Variants in RIN1 observed in about 807,000 individuals in gnomAD.
The protein encoded by RIN1 is ras inhibitor 1.
RIN1 carries 52 observed loss-of-function variants against 64.9 expected under a neutral mutation model. The observed-to-expected ratio is 0.80, with a 90% CI of 0.64 to 1.01. RIN1 has a LOEUF of 1.01. Ranked by LOEUF, RIN1 falls within the 50% of genes least tolerant of loss-of-function variation. The pLI is 0.00. For missense variants in RIN1, 1,040 were observed against 1,064.5 expected (o/e 0.98, Z 0.32); for synonymous variants, 486 against 483.6 (o/e 1.00, Z -0.06).
chr11:66,334,092 C>A lies in RIN1; in HGVS notation c.1418G>T (p.Arg473Leu). 6.4e-7 allele frequency: 1 copy of A among 1,559,966 alleles called. No homozygotes were observed. Among genetic ancestry groups the A allele is most frequent in the East Asian group, 2.4e-5 (1 of 42,388 alleles). Residue 473 changes from arginine to leucine, a missense_variant, in exon 7 of 10, where the codon CGG (arginine) becomes CTG (leucine). Coordinates refer to ENST00000311320, the MANE Select transcript of RIN1 (RefSeq NM_004292.3). ...CCCGAAGGCTCCGGGGCCCTGGGCC[C>A]GGGCCAGGCGGAGGCCCTCAGCTAG... ...GRLAEGLRLA[R>L]AQGPGAFGSH...
chr11:66,332,002 C>T lies in RIN1; in HGVS notation c.*274G>A, dbSNP rs989023699. The stretch of plus-strand genomic sequence containing the variant: ...ATCTGTCGGATTCGCCCCCACTTGG[C>T]ACACCCTCATTGCAGGCTGGCTCAC... On this transcript the variant is annotated 3_prime_UTR_variant, in exon 10 of 10. Transcript: ENST00000311320. 17 of 525,072 alleles carry T rather than the reference C, an allele frequency of 3.2e-5. No homozygotes were observed. The highest frequency in any genetic ancestry group is 5.5e-5 in the Non-Finnish European group (16 of 293,482). The allele number at this position is 525,072 out of a possible 1,614,324, so 32.5% of individuals were successfully genotyped here. A position where few individuals can be genotyped will look rare whatever the true frequency, so the allele number is the denominator to read the frequency against.
Position 66,332,233 on chromosome 11 carries a change from C to T in RIN1, c.*43G>A. The T allele has an allele frequency of 1.3e-6, 2 of 1,574,596 alleles. No homozygotes were observed. The highest frequency in any genetic ancestry group is 2.2e-5 in the South Asian group (2 of 90,306). ...GGCGCTAAAAGGATTTCTCAGCAGGCTCAGGGTCTCCCGCCCCGAATGACC... is the reference window on the plus strand; with the variant it reads ...GGCGCTAAAAGGATTTCTCAGCAGGTTCAGGGTCTCCCGCCCCGAATGACC... On this transcript the variant is annotated 3_prime_UTR_variant, in exon 10 of 10. Coordinates refer to ENST00000311320, the MANE Select transcript of RIN1 (RefSeq NM_004292.3).
chr11:66,336,055 G>A lies in RIN1; in HGVS notation c.190C>T (p.Leu64Phe). The A allele has an allele frequency of 6.8e-7, 1 of 1,466,406 alleles. No homozygotes were observed. The highest frequency in any genetic ancestry group is 9.0e-7 in the Non-Finnish European group (1 of 1,109,546). 90.8% of individuals were successfully genotyped at this position (1,466,406 alleles called of 1,614,324 possible). A position where few individuals can be genotyped will look rare whatever the true frequency, so the allele number is the denominator to read the frequency against. The change falls in exon 2 of 10, where the codon CTC becomes TTC. Residue 64 changes from leucine (L) to phenylalanine (F), a missense_variant. Leu to Phe is a conservative substitution (Grantham distance 22). Transcript: ENST00000311320. ...AGCTGCAGCCACACGGGCCGGGTGA[G>A]CAGCAGGCGCTCCCGCAGGCTCACA... ...RVVSLRERLLLTRPVWLQLQA... is the reference protein window; with the variant it reads ...RVVSLRERLLFTRPVWLQLQA...
chr11:66,335,551 G>C, intron 4 of RIN1, 53 bp from the exon 5 acceptor site: 1 of 1,612,778 alleles, frequency 6.2e-7, no homozygotes, highest in Non-Finnish European at 8.5e-7. Flanking sequence ...GGGCGGGAAG[G>C]ATGGGCTGTC....
rs1854827599 is a variant in RIN1 at position 66,334,602 on chromosome 11, C to A, written c.1197G>T (p.Leu399=). The A allele has an allele frequency of 3.2e-6, 5 of 1,582,904 alleles. No individual in the cohort carries two copies. The highest frequency in any genetic ancestry group is 4.3e-6 in the Non-Finnish European group (5 of 1,166,692). The change falls in exon 6 of 10, where the codon CTG becomes CTT. Residue 399 remains leucine (L), a synonymous_variant. Coordinates refer to ENST00000311320, the MANE Select transcript of RIN1 (RefSeq NM_004292.3). ...QVRAGPEPQE[L]QGIRQALSRA... is the part of the protein sequence containing the mutation. The stretch of plus-strand genomic sequence containing the variant: ...GGCTCAGCGCCTGACGGATGCCCTG[C>A]AGCTCCTGGGGCTCGGGCCCAGCCC...
At position 66,334,083 on chromosome 11, in the gene RIN1, C is replaced by A; in HGVS notation, c.1427G>T (p.Gly476Val). The A allele has an allele frequency of 6.4e-7, 1 of 1,565,826 alleles. No homozygotes were observed. The highest frequency in any genetic ancestry group is 8.7e-7 in the Non-Finnish European group (1 of 1,155,792). The change falls in exon 7 of 10, where the codon GGC (glycine) becomes GTC (valine). Residue 476 changes from glycine (G) to valine (V), a missense_variant. By Grantham distance (109) the Gly-to-Val change is moderately radical. Coordinates refer to ENST00000311320, the MANE Select transcript of RIN1 (RefSeq NM_004292.3). The part of the protein sequence containing the change: ...AEGLRLARAQ[G>V]PGAFGSHLSL... ...CAGGTGGGACCCGAAGGCTCCGGGG[C>A]CCTGGGCCCGGGCCAGGCGGAGGCC...
rs541119197 is a variant in RIN1 at position 66,335,634 on chromosome 11, A to C, written c.431T>G (p.Leu144Arg). 6.2e-7 allele frequency: 1 copy of C among 1,613,674 alleles called. No homozygotes were observed. The highest frequency in any genetic ancestry group is 2.2e-5 in the East Asian group (1 of 44,854). The change falls in exon 4 of 10, where the codon CTC becomes CGC. Residue 144 changes from leucine to arginine, a missense_variant. By Grantham distance (102) the Leu-to-Arg change is moderately radical (BLOSUM62 -2). Transcript: ENST00000311320. The stretch of plus-strand genomic sequence containing the variant: ...CCGGGTGTGGCAGTAGGCACAGATG[A>C]GCTGGACTAGGTCTGGGAACATGAG... ...SELMFPDLVQ[L>R]ICAYCHTRDI...
Position 66,335,110 on chromosome 11 carries a change from G to T in RIN1, c.689C>A (p.Pro230Gln). The change falls in exon 6 of 10, where the codon CCG becomes CAG. Residue 230 changes from proline (P) to glutamine (Q), a missense_variant. Coordinates refer to ENST00000311320, the MANE Select transcript of RIN1 (RefSeq NM_004292.3). ...AALCFFNPLFPGDLGPTKREK... is the reference protein window; with the variant it reads ...AALCFFNPLFQGDLGPTKREK... ...CCGCTTGGTGGGCCCTAGGTCCCCC[G>T]GGAACAGGGGGTTGAAGAAGCACAA... is the stretch of plus-strand genomic sequence containing the variant. The T allele has an allele frequency of 6.5e-7, 1 of 1,534,580 alleles. No homozygotes were observed. The highest frequency in any genetic ancestry group is 8.7e-7 in the Non-Finnish European group (1 of 1,143,696).
rs1166110870 is a variant in RIN1, at chr11:66,332,518, C to T, written c.2110G>A (p.Ala704Thr). ...GCCCCCTGGGTCTCAGGCCACTCCGCCCGGCGGTAGACGAGGTAGCCAGTG... is the reference window on the plus strand; with the variant it reads ...GCCCCCTGGGTCTCAGGCCACTCCGTCCGGCGGTAGACGAGGTAGCCAGTG... ...PTTGYLVYRR[A>T]EWPETQGAVT... The change falls in exon 10 of 10, where the codon GCG becomes ACG. Residue 704 changes from alanine to threonine, a missense_variant. Physicochemically the swap from Ala to Thr is moderately conservative, Grantham distance 58 (BLOSUM62 0). Coordinates refer to ENST00000311320, the MANE Select transcript of RIN1 (RefSeq NM_004292.3). The T allele has an allele frequency of 6.2e-7, 1 of 1,613,954 alleles. No homozygotes were observed. The highest frequency in any genetic ancestry group is 1.3e-5 in the African/African-American group (1 of 75,072).
In RIN1 at chr11:66,336,316, CTT is replaced by C; in HGVS notation, c.85_86del (p.Lys29AlafsTer8). 2 of 1,612,430 alleles carry C rather than the reference CTT, an allele frequency of 1.2e-6. No individual in the cohort carries two copies. Among genetic ancestry groups the C allele is most frequent in the South Asian group, 2.2e-5 (2 of 90,606 alleles). ...CTGGCTGCCCTGCCAACTTCACTAA[CTT>C]TTCTCTCGCCAGGTGCCCAGTAGTG... ...SFTTGHLARE[K>X]PAQDPLYDVP... On this transcript the variant is annotated frameshift_variant and splice_region_variant, in exon 1 of 10. Transcript: ENST00000311320. LOFTEE classifies it high-confidence loss of function.
In RIN1 at chr11:66,332,448, C is replaced by T. The variant is rs532613887; in HGVS notation, c.2180G>A (p.Arg727Lys). The change falls in exon 10 of 10, where the codon AGA (arginine) becomes AAA (lysine). Residue 727 changes from arginine to lysine, a missense_variant. Coordinates refer to ENST00000311320, the MANE Select transcript of RIN1 (RefSeq NM_004292.3). Reference protein sequence around the residue: ...EGSGQSEARSRGEEQGCQGDG... With the variant: ...EGSGQSEARSKGEEQGCQGDG... Reference sequence around the variant, plus strand: ...TCCCTGGCACCCTTGCTCCTCCCCTCTGCTTCTTGCCTCTGACTGCCCACT... The same window carrying T: ...TCCCTGGCACCCTTGCTCCTCCCCTTTGCTTCTTGCCTCTGACTGCCCACT... The T allele has an allele frequency of 1.2e-6, 2 of 1,614,222 alleles. No homozygotes were observed. The highest frequency in any genetic ancestry group is 4.5e-5 in the East Asian group (2 of 44,884).
rs773190928 is a variant in RIN1, at chr11:66,332,376, TG to T, written c.2251del (p.Gln751SerfsTer55). ...GCCCCCTTCAGCAGTTGTCTCAGAC[TG>T]TTCCCGAATGTCCCTGGGGCTGGCT... ...VKASPRDIRE[Q>X]SETTAEGGQG... On this transcript the variant is annotated frameshift_variant, in exon 10 of 10. Coordinates refer to ENST00000311320, the MANE Select transcript of RIN1 (RefSeq NM_004292.3). LOFTEE classifies it high-confidence loss of function. The T allele has an allele frequency of 1.2e-5, 19 of 1,614,084 alleles. No homozygotes were observed. The highest frequency in any genetic ancestry group is 1.5e-5 in the Non-Finnish European group (18 of 1,180,030).
intron 6 of RIN1, 70 bp downstream of exon 6, chr11:66,334,444 G>T: frequency 1.3e-6 from 2 of 1,548,886 alleles, no homozygotes; most frequent in Non-Finnish European, 1.8e-6. Context: ...AATCAGACAG[G>T]CTGGCGCTGT....
intron 6 of RIN1, 132 bp from the exon 7 acceptor site, chr11:66,334,356 G>A: frequency 2.4e-6 from 3 of 1,232,838 alleles, no homozygotes; most frequent in Non-Finnish European, 3.3e-6. Context: ...GGGTGAGACG[G>A]AAGAGTTGGG....
In RIN1 at chr11:66,332,470, C is replaced by T; in HGVS notation, c.2158G>A (p.Gly720Arg). 1 of 1,614,214 alleles carries T rather than the reference C, an allele frequency of 6.2e-7. No homozygotes were observed. The change falls in exon 10 of 10, where the codon GGG becomes AGG. Residue 720 changes from glycine (G) to arginine (R), a missense_variant. Gly to Arg is a moderately radical substitution (Grantham distance 125, BLOSUM62 -2). Transcript: ENST00000311320. ...QGAVTEEEGS[G>R]QSEARSRGEE... The stretch of plus-strand genomic sequence containing the variant: ...CCTCTGCTTCTTGCCTCTGACTGCC[C>T]ACTGCCCTCCTCCTCTGTCACAGCC...
At position 66,332,099 on chromosome 11, in the gene RIN1, C is replaced by A. The variant is rs996248075; in HGVS notation, c.*177G>T. ...AGTCTGGGGGCCCCCGAAGCCCCCT[C>A]ATCTTTATTCCAGTTCCTCAGATGT... On this transcript the variant is annotated 3_prime_UTR_variant, in exon 10 of 10. Transcript: ENST00000311320. The A allele has an allele frequency of 5.8e-6, 4 of 684,502 alleles. No individual in the cohort carries two copies. The highest frequency in any genetic ancestry group is 3.6e-5 in the African/African-American group (2 of 55,876). 42.4% of individuals were successfully genotyped at this position (684,502 alleles called of 1,614,324 possible). A position where few individuals can be genotyped will look rare whatever the true frequency, so the allele number is the denominator to read the frequency against.
In RIN1 at chr11:66,335,102, G is replaced by C; in HGVS notation, c.697C>G (p.Leu233Val). ...AATTTCTCCCGCTTGGTGGGCCCTA[G>C]GTCCCCCGGGAACAGGGGGTTGAAG... The part of the protein sequence containing the change: ...CFFNPLFPGD[L>V]GPTKREKFKR... Residue 233 changes from leucine (L) to valine (V), a missense_variant, in exon 6 of 10, where the codon CTA (leucine) becomes GTA (valine). Coordinates refer to ENST00000311320, the MANE Select transcript of RIN1 (RefSeq NM_004292.3). The C allele has an allele frequency of 1.3e-6, 2 of 1,534,096 alleles. No individual in the cohort carries two copies. Among genetic ancestry groups the C allele is most frequent in the East Asian group, 2.3e-5 (1 of 44,086 alleles).
chr11:66,333,040 C>A (rs1267392162), intron 9 of RIN1: 2 of 619,458 alleles, frequency 3.2e-6, no homozygotes, highest in Non-Finnish European at 5.6e-6. Flanking sequence ...TTAATCTTCA[C>A]CTCAACCCCA....
chr11:66,335,309 C>A, intron 5 of RIN1, 58 bp from the exon 6 acceptor site: 1 of 1,553,532 alleles, frequency 6.4e-7, no homozygotes. Context: ...GTTTCCCAAC[C>A]AAGGCAAGGC....
Sources: gnomAD v4.1 joint callset for allele counts on GRCh38, gnomAD v4.1.1 for gene constraint, MANE v1.5 for transcripts, NCBI Gene and HGNC (gene_info 2026-07-23, HGNC 2026-07-21) for gene names.